The following ADGRG2 variants were observed in gnomAD, a reference collection of about 807,000 sequenced individuals.
ADGRG2 encodes adhesion G protein-coupled receptor G2.
Under a neutral mutation model 74.1 loss-of-function variants are expected in ADGRG2, and 26 were observed. That is an observed-to-expected ratio of 0.35 (90% CI 0.26 to 0.49). ADGRG2 has a LOEUF of 0.49. Ranked by LOEUF, ADGRG2 falls within the 20% of genes least tolerant of loss-of-function variation. ADGRG2 has a pLI of 0.99. For synonymous variants in ADGRG2, 296 were observed against 295.2 expected, an observed-to-expected ratio of 1.00 and a Z score of -0.03; for missense variants, 619 against 763.1, an observed-to-expected ratio of 0.81 and a Z score of 2.22.
intron 11 of ADGRG2, 50 bp downstream of exon 11, chrX:19,027,169 C>A: frequency 1.2e-6 from 1 of 818,941 alleles, no homozygotes; most frequent in Non-Finnish European, 1.9e-6. Context: ...CAAAAAGTAT[C>A]CTTCCATAGT....
intron 1 of ADGRG2, among the ~76,000 whole-genome samples, chrX:19,118,671 G>A (rs1316255555): frequency 8.9e-6 from 1 of 112,287 alleles, no homozygotes; most frequent in African/African-American, 3.2e-5. Context: ...ATCCAGGCAC[G>A]AGCCACTGTG....
At chrX:19,023,392 A>G (rs373797231) in intron 13 of ADGRG2, 24 bp downstream of exon 13, 63 of 974,838 alleles carry the variant, frequency 6.5e-5, no homozygotes, top group Non-Finnish European at 8.8e-5. Context: ...AATTATATTT[A>G]TGAAAGTATT....
chrX:19,084,409 T>C (rs951005141), intron 1 of ADGRG2, among the ~76,000 whole-genome samples: 35 of 110,889 alleles, frequency 3.2e-4, no homozygotes, highest in African/African-American at 9.5e-4. Flanking sequence ...CAAATCACCA[T>C]GGCACACATT....
intron 1 of ADGRG2, among the ~76,000 whole-genome samples, chrX:19,100,700 C>T (rs1474127023): frequency 8.8e-6 from 1 of 113,376 alleles, no homozygotes; most frequent in Non-Finnish European, 1.9e-5. Context: ...TCCCCAGTGC[C>T]TGCAAAAGTG....
intron 1 of ADGRG2, among the ~76,000 whole-genome samples, chrX:19,102,127 T>C (rs1018258118): frequency 1.0e-5 from 1 of 100,182 alleles, no homozygotes; most frequent in Non-Finnish European, 2.0e-5. Context: ...TCCCAGCACT[T>C]TGGGAGGCCA....
upstream of ADGRG2, chrX:19,122,661 C>A: frequency 9.2e-6 from 1 of 109,081 alleles, no homozygotes; most frequent in Non-Finnish European, 1.9e-5. Context: ...GGGCGGGGCG[C>A]GGAGGGAGGA....
In ADGRG2 at chrX:19,049,628, A is replaced by ATT. The variant is rs1215566484; in HGVS notation, c.119-9406_119-9405dup. 5.9e-3 allele frequency among the ~76,000 whole-genome samples: 597 copies of ATT among 100,850 alleles called. 4 individuals carry two copies. Among genetic ancestry groups the ATT allele is most frequent in the African/African-American group, 0.021 (574 of 27,578 alleles). The allele number at this position is 100,850 out of a possible 115,157, so 87.6% of individuals were successfully genotyped here. A position where few individuals can be genotyped will look rare whatever the true frequency, so the allele number is the denominator to read the frequency against. Reference sequence around the variant, plus strand: ...TGAAACACTATGAGATTTTTTTGTGATTTTTTTTTTTTTAGCTCATCAGCT... The same window carrying ATT: ...TGAAACACTATGAGATTTTTTTGTGATTTTTTTTTTTTTTTAGCTCATCAGCT... On this transcript the variant is annotated intron_variant, in intron 3 of 28. Coordinates refer to ENST00000379869, the MANE Select transcript of ADGRG2 (RefSeq NM_001079858.3).
Position 19,013,945 on chromosome X carries a change from A to G in ADGRG2, c.840T>C (p.Ala280=). Residue 280 remains alanine, a synonymous_variant, in exon 16 of 29, where the codon GCT becomes GCC. Transcript: ENST00000379869. ...LSQVPKATSF[A]EPPDYSPVTH... ...TCACAGGTGAATAATCTGGAGGCTCAGCAAAAGAGGTAGCTTTGGGGACCT... is the reference window on the plus strand; with the variant it reads ...TCACAGGTGAATAATCTGGAGGCTCGGCAAAAGAGGTAGCTTTGGGGACCT... The G allele has an allele frequency of 8.3e-7, 1 of 1,211,303 alleles. No individual in the cohort carries two copies. Among genetic ancestry groups the G allele is most frequent in the Non-Finnish European group, 1.1e-6 (1 of 895,310 alleles).
chrX:19,009,675 C>T lies in ADGRG2; in HGVS notation c.1373G>A (p.Ser458Asn). The part of the protein sequence containing the change: ...LALAVIRVNA[S>N]SFNTTTFVAQ... ...CACAAAGGTAGTTGTGTTGAAACTA[C>T]TGGCATTCACTCTGATCACAGCCAG... The change falls in exon 18 of 29, where the codon AGT becomes AAT. Residue 458 changes from serine (S) to asparagine (N), a missense_variant. By Grantham distance (46) the Ser-to-Asn change is conservative. Around this residue, in one of 3 missense-constraint regions of ADGRG2, gnomAD observed 221 missense variants for 340.6 expected, o/e 0.65. Transcript: ENST00000379869. 7.5e-6 allele frequency: 9 copies of T among 1,207,276 alleles called. No homozygotes were observed. The highest frequency in any genetic ancestry group is 3.0e-5 in the East Asian group (1 of 33,838).
chrX:19,091,337 A>C (rs181339096), intron 1 of ADGRG2, among the ~76,000 whole-genome samples: 13 of 110,970 alleles, frequency 1.2e-4, no homozygotes, highest in African/African-American at 4.3e-4. Context: ...TTTTGCATGG[A>C]AAATGAATAG....
chrX:19,040,274 C>A, intron 3 of ADGRG2, 50 bp from the exon 4 acceptor site: 2 of 844,751 alleles, frequency 2.4e-6, no homozygotes, highest in Non-Finnish European at 1.7e-6. Context: ...GGACTAAAAT[C>A]AATAAAATTG....
chrX:19,111,610 G>A (rs1337340713), intron 1 of ADGRG2, among the ~76,000 whole-genome samples: 2 of 111,936 alleles, frequency 1.8e-5, no homozygotes, highest in Admixed American at 9.5e-5. Flanking sequence ...ATATACTGAG[G>A]ACTGACAATG....
intron 3 of ADGRG2, among the ~76,000 whole-genome samples, chrX:19,043,735 C>A (rs1388436571): frequency 9.7e-6 from 1 of 102,917 alleles, no homozygotes; most frequent in South Asian, 4.7e-4. Context: ...TCAATGGAGT[C>A]TCTTTCCCTA....
intron 1 of ADGRG2, among the ~76,000 whole-genome samples, chrX:19,084,926 G>A (rs971677006): frequency 1.8e-5 from 2 of 112,514 alleles, no homozygotes; most frequent in Non-Finnish European, 3.8e-5. Flanking sequence ...AGAGCATGTG[G>A]GGAAATAAAC....
chrX:19,054,390 G>GTC (rs1211673177), intron 3 of ADGRG2, among the ~76,000 whole-genome samples: 2 of 111,845 alleles, frequency 1.8e-5, no homozygotes, highest in African/African-American at 6.5e-5. Context: ...GGGATGCATG[G>GTC]TCTCCCTAGG....
chrX:19,062,640 C>T (rs750201595), intron 3 of ADGRG2, among the ~76,000 whole-genome samples: 17 of 111,413 alleles, frequency 1.5e-4, no homozygotes, highest in East Asian at 2.8e-4. Context: ...ACAGGTTTCC[C>T]GCCTCTCAGG....
At chrX:19,072,844 C>T (rs934552919) in intron 2 of ADGRG2, among the ~76,000 whole-genome samples, 2 of 110,823 alleles carry the variant, frequency 1.8e-5, no homozygotes, top group East Asian at 5.6e-4. Flanking sequence ...CTGCATAAAC[C>T]GAGAATGTCC....
At chrX:19,003,770 G>C (rs749753293) in intron 23 of ADGRG2, among the ~76,000 whole-genome samples, 1 of 111,963 alleles carries the variant, frequency 8.9e-6, no homozygotes, top group Non-Finnish European at 1.9e-5. Context: ...CGGAAGCATT[G>C]GTGCTGCTTC....
intron 15 of ADGRG2, 148 bp from the exon 16 acceptor site, chrX:19,014,222 C>G (rs949388133): frequency 4.3e-6 from 2 of 460,425 alleles, no homozygotes; most frequent in Non-Finnish European, 7.3e-6. Flanking sequence ...ATTTCACACC[C>G]TCTGTGCACC....
Sources: gnomAD v4.1 joint callset for allele counts (sites outside exome capture counted in the v4.1 genomes callset) on GRCh38, gnomAD v4.1.1 for gene constraint, gnomAD v4.1.1 regional missense constraint, MANE v1.5 for transcripts, NCBI Gene and HGNC (gene_info 2026-07-23, HGNC 2026-07-21) for gene names.